Variants in FAM227A observed in about 807,000 individuals in gnomAD.
FAM227A encodes the protein protein FAM227A.
Under a neutral mutation model 74.7 loss-of-function variants are expected in FAM227A, and 80 were observed. That is an observed-to-expected ratio of 1.07 (90% CI 0.89 to 1.29). The LOEUF (loss-of-function observed/expected upper bound fraction) is 1.29, where lower values mean the gene tolerates loss of function less well. Ranked by LOEUF, FAM227A falls within the 50% of genes most tolerant of loss-of-function variation. The pLI is 0.00. For synonymous variants in FAM227A, 237 were observed against 241.8 expected, an observed-to-expected ratio of 0.98 and a Z score of 0.19; for missense variants, 654 against 683.4, an observed-to-expected ratio of 0.96 and a Z score of 0.48.
intron 16 of FAM227A, among the ~76,000 whole-genome samples, chr22:38,587,394 T>G (rs896833742): frequency 7.9e-5 from 12 of 151,920 alleles, no homozygotes; most frequent in Non-Finnish European, 1.6e-4. Context: ...AGGACACACA[T>G]AGATGAAAGT....
At chr22:38,649,919 G>T in intron 2 of FAM227A, 108 bp downstream of exon 2, 2 of 949,022 alleles carry the variant, frequency 2.1e-6, no homozygotes, top group South Asian at 1.8e-5. Flanking sequence ...TAAGGGACAA[G>T]CTAATAAGTA....
In FAM227A at chr22:38,591,535, AT is replaced by A. The variant is rs1157522303; in HGVS notation, c.1537del (p.Met513Ter). 6.5e-7 allele frequency: 1 copy of A among 1,540,552 alleles called. No homozygotes were observed. Among genetic ancestry groups the A allele is most frequent in the Admixed American group, 2.1e-5 (1 of 48,194 alleles). On this transcript the variant is annotated frameshift_variant, in exon 16 of 17. Transcript: ENST00000535113. LOFTEE classifies it high-confidence loss of function. ...KELQDNFSRE[M>X]KNIDPKAADT... ...TGCTGCTTTTGGATCAATATTCTTC[AT>A]TTCCCTGGGAGGAAAACACAGAGAC...
intron 15 of FAM227A, among the ~76,000 whole-genome samples, chr22:38,593,018 A>C (rs1487053953): frequency 6.6e-6 from 1 of 152,222 alleles, no homozygotes; most frequent in Admixed American, 6.5e-5. Flanking sequence ...AAAGGCAAAA[A>C]TAGTTTAATA....
chr22:38,639,598 A>G, intron 4 of FAM227A, 57 bp downstream of exon 4: 1 of 1,480,588 alleles, frequency 6.8e-7, no homozygotes. Context: ...TGCATTTTAG[A>G]TACTAAAAAA....
intron 3 of FAM227A, 76 bp from the exon 4 acceptor site, chr22:38,639,800 G>A (rs542248960): frequency 1.6e-5 from 16 of 993,714 alleles, no homozygotes; most frequent in African/African-American, 6.4e-5. Flanking sequence ...GGGTCTAGGC[G>A]TTTCCTCTTG....
At chr22:38,594,684 C>T (rs902529390) in intron 15 of FAM227A, among the ~76,000 whole-genome samples, 15 of 152,096 alleles carry the variant, frequency 9.9e-5, no homozygotes, top group South Asian at 2.1e-4. Context: ...CAATTGTGGC[C>T]GGGTGCGGTG....
At chr22:38,626,820 G>C (rs2091810812) in intron 8 of FAM227A, among the ~76,000 whole-genome samples, 2 of 132,202 alleles carry the variant, frequency 1.5e-5, no homozygotes, top group Non-Finnish European at 3.1e-5. Flanking sequence ...GTTGCAGTGA[G>C]CTGCGACCGT....
At chr22:38,593,036 G>A (rs1050581431) in intron 15 of FAM227A, among the ~76,000 whole-genome samples, 3 of 152,200 alleles carry the variant, frequency 2.0e-5, no homozygotes, top group African/African-American at 7.2e-5. Flanking sequence ...ATAGTCCATG[G>A]TCACAGAACC....
chr22:38,626,071 G>T, intron 9 of FAM227A, 109 bp downstream of exon 9: 1 of 1,118,036 alleles, frequency 8.9e-7, no homozygotes, highest in African/African-American at 1.6e-5. Flanking sequence ...AGAGAAAAGA[G>T]AGAATGCCTT....
intron 2 of FAM227A, 154 bp downstream of exon 2, chr22:38,649,873 A>T (rs971413669): frequency 2.8e-6 from 2 of 725,736 alleles, no homozygotes; most frequent in African/African-American, 3.9e-5. Context: ...ATCTCAAAAA[A>T]AAAAAAGAAA....
chr22:38,593,119 G>A (rs572799383), intron 15 of FAM227A, among the ~76,000 whole-genome samples: 3 of 152,360 alleles, frequency 2.0e-5, no homozygotes, highest in South Asian at 4.1e-4. Flanking sequence ...GGCTTGTTAC[G>A]ACTATTGGGA....
In FAM227A at chr22:38,646,248, C is replaced by CTTTTTTTTTTTTT. The variant is rs1165890437; in HGVS notation, c.143-616_143-604dup. ...CTTGGGAATTTTCCTTCCAGTATTT[C>CTTTTTTTTTTTTT]TTTTTTTTTTTTTTTTTTTTTTTTT... On this transcript the variant is annotated intron_variant, in intron 2 of 16. Transcript: ENST00000535113. 1.3e-4 allele frequency among the ~76,000 whole-genome samples: 11 copies of CTTTTTTTTTTTTT among 82,398 alleles called. 1 individual carries two copies. Among genetic ancestry groups the CTTTTTTTTTTTTT allele is most frequent in the African/African-American group, 1.6e-4 (3 of 19,028 alleles). 54.1% of individuals were successfully genotyped at this position (82,398 alleles called of 152,430 possible). A position where few individuals can be genotyped will look rare whatever the true frequency, so the allele number is the denominator to read the frequency against.
intron 14 of FAM227A, among the ~76,000 whole-genome samples, chr22:38,599,005 G>A (rs1459460675): frequency 6.8e-6 from 1 of 147,404 alleles, no homozygotes; most frequent in Admixed American, 6.9e-5. Flanking sequence ...TGCCCAGGCT[G>A]CAGTGCAATG....
intron 5 of FAM227A, among the ~76,000 whole-genome samples, chr22:38,637,954 G>C (rs904107836): frequency 6.6e-6 from 1 of 152,156 alleles, no homozygotes; most frequent in Non-Finnish European, 1.5e-5. Flanking sequence ...ATCACTTGAG[G>C]TCAAGAGTTC....
At chr22:38,625,662 G>T (rs1398078543) in intron 9 of FAM227A, among the ~76,000 whole-genome samples, 3 of 151,882 alleles carry the variant, frequency 2.0e-5, no homozygotes, top group Admixed American at 2.0e-4. Flanking sequence ...AAGGGGATTA[G>T]GGGCCAGGCG....
At chr22:38,647,331 G>C (rs1173917957) in intron 2 of FAM227A, among the ~76,000 whole-genome samples, 1 of 151,988 alleles carries the variant, frequency 6.6e-6, no homozygotes, top group Non-Finnish European at 1.5e-5. Context: ...AGGGCATGGT[G>C]GCAGACGCCT....
Position 38,608,904 on chromosome 22 carries a change from T to C in FAM227A, c.1039-1428A>G, listed in dbSNP as rs1253711609. On this transcript the variant is annotated intron_variant, in intron 11 of 16. Coordinates refer to ENST00000535113, the MANE Select transcript of FAM227A (RefSeq NM_001013647.2). The stretch of plus-strand genomic sequence containing the variant: ...TCCACCTCCCGGGTTCAAGTGATAC[T>C]CCTGCCTCAGCTCCCCGAGTAGCTG... 3.4e-5 allele frequency among the ~76,000 whole-genome samples: 5 copies of C among 147,446 alleles called. No homozygotes were observed. The East Asian group carries it at 1.0e-3, about 31-fold the overall frequency.
chr22:38,620,474 TC>T (rs1318353665), intron 10 of FAM227A, among the ~76,000 whole-genome samples, 183 bp from the exon 11 acceptor site: 1 of 152,118 alleles, frequency 6.6e-6, no homozygotes, highest in Non-Finnish European at 1.5e-5. Flanking sequence ...GTGAACACTA[TC>T]TCCCTCTAGG....
At chr22:38,621,174 CTG>C (rs1187633786) in intron 10 of FAM227A, among the ~76,000 whole-genome samples, 5 of 151,698 alleles carry the variant, frequency 3.3e-5, no homozygotes, top group African/African-American at 1.2e-4. Flanking sequence ...CTGTCTCACC[CTG>C]TATTTTTGTA....
Sources: allele counts gnomAD v4.1 joint callset (sites outside exome capture counted in the v4.1 genomes callset), GRCh38; gene constraint gnomAD v4.1.1; transcripts MANE v1.5; gene names NCBI Gene and HGNC (gene_info 2026-07-23, HGNC 2026-07-21).